Variants in IL1RAPL1 observed in about 807,000 individuals in gnomAD.
The protein encoded by IL1RAPL1 is interleukin-1 receptor accessory protein-like 1.
IL1RAPL1 carries 3 observed loss-of-function variants against 48.4 expected under a neutral mutation model. That is an observed-to-expected ratio of 0.06 (90% CI 0.03 to 0.16). The LOEUF is 0.16. IL1RAPL1 is among the 10% of genes least tolerant of loss of function. The pLI is 1.00. For synonymous variants in IL1RAPL1, 185 were observed against 187.7 expected, an observed-to-expected ratio of 0.99 and a Z score of 0.12; for missense variants, 349 against 530.6, an observed-to-expected ratio of 0.66 and a Z score of 3.36.
chrX:29,240,964 T>A (rs1250655189), intron 2 of IL1RAPL1, among the ~76,000 whole-genome samples: 2 of 112,672 alleles, frequency 1.8e-5, no homozygotes, highest in Non-Finnish European at 3.7e-5. Flanking sequence ...AATTATTTTT[T>A]AAATATTCTG....
chrX:29,306,221 C>T (rs1443381913), intron 3 of IL1RAPL1, among the ~76,000 whole-genome samples: 1 of 112,234 alleles, frequency 8.9e-6, no homozygotes, highest in Non-Finnish European at 1.9e-5. Context: ...TTTTATTCCT[C>T]TCTGCTTAGA....
chrX:29,240,386 C>G (rs972383602), intron 2 of IL1RAPL1, among the ~76,000 whole-genome samples: 9 of 105,521 alleles, frequency 8.5e-5, no homozygotes, highest in Non-Finnish European at 3.9e-5. Flanking sequence ...AGGCGCACGC[C>G]ACCTCACCCG....
intron 2 of IL1RAPL1, among the ~76,000 whole-genome samples, chrX:29,254,726 A>G (rs1167588806): frequency 9.0e-6 from 1 of 111,475 alleles, no homozygotes; most frequent in Non-Finnish European, 1.9e-5. Flanking sequence ...TATAAAATTG[A>G]TGTTGGCAGC....
chrX:29,053,147 T>C (rs1413434108), intron 2 of IL1RAPL1, among the ~76,000 whole-genome samples: 1 of 111,297 alleles, frequency 9.0e-6, no homozygotes, highest in African/African-American at 3.3e-5. Context: ...TCTGTTCCTC[T>C]GTTAGTTTGC....
intron 2 of IL1RAPL1, among the ~76,000 whole-genome samples, chrX:29,197,707 A>AT (rs201963010): frequency 0.12 from 10,874 of 93,756 alleles, 1,926 homozygotes; most frequent in African/African-American, 0.42. Context: ...TTCAGTGAGA[A>AT]TTTTTTTTTT....
chrX:29,476,912 C>T (rs1009227715), intron 5 of IL1RAPL1, among the ~76,000 whole-genome samples: 18 of 56,722 alleles, frequency 3.2e-4, no homozygotes, highest in Admixed American at 7.6e-4. Context: ...CTCGCTCTGT[C>T]GCCCAGGCCG....
At chrX:29,611,220 T>G (rs1290928237) in intron 5 of IL1RAPL1, among the ~76,000 whole-genome samples, 1 of 111,024 alleles carries the variant, frequency 9.0e-6, no homozygotes, top group Non-Finnish European at 1.9e-5. Context: ...TTAGGTCCAA[T>G]AAGAAACATT....
chrX:29,379,324 A>G (rs1011390494), intron 3 of IL1RAPL1, among the ~76,000 whole-genome samples: 13 of 112,210 alleles, frequency 1.2e-4, no homozygotes, highest in African/African-American at 3.2e-4. Context: ...TGCGAAGTAG[A>G]CATACCCTAG....
intron 2 of IL1RAPL1, among the ~76,000 whole-genome samples, chrX:28,953,948 TA>T (rs1267919993): frequency 9.0e-6 from 1 of 111,416 alleles, no homozygotes; most frequent in Admixed American, 9.6e-5. Context: ...CATGAATCAT[TA>T]AGGAGAGGTT....
intron 2 of IL1RAPL1, among the ~76,000 whole-genome samples, chrX:29,276,964 C>T (rs986410534): frequency 1.8e-5 from 2 of 111,998 alleles, no homozygotes; most frequent in Admixed American, 1.9e-4. Flanking sequence ...CAGAGTACAC[C>T]ACACTTCAGT....
chrX:28,768,778 T>TATATACAC (rs768805531), intron 1 of IL1RAPL1, among the ~76,000 whole-genome samples: 1 of 76,428 alleles, frequency 1.3e-5, no homozygotes, highest in African/African-American at 4.7e-5. Context: ...TATATATATA[T>TATATACAC]ACACACACTA....
At chrX:29,452,868 T>C (rs1006151109) in intron 5 of IL1RAPL1, among the ~76,000 whole-genome samples, 3 of 109,047 alleles carry the variant, frequency 2.8e-5, no homozygotes, top group African/African-American at 6.7e-5. Flanking sequence ...GGTCTGGGAA[T>C]TCATCCTTGT....
At chrX:29,028,832 G>A (rs930944234) in intron 2 of IL1RAPL1, among the ~76,000 whole-genome samples, 1 of 111,297 alleles carries the variant, frequency 9.0e-6, no homozygotes, top group African/African-American at 3.3e-5. Flanking sequence ...AGAGGTGCAA[G>A]ATCTCATCTG....
intron 2 of IL1RAPL1, among the ~76,000 whole-genome samples, chrX:29,114,508 T>C (rs1466080425): frequency 2.7e-5 from 3 of 112,455 alleles, no homozygotes; most frequent in African/African-American, 9.7e-5. Flanking sequence ...TAATTTAAAA[T>C]TTTGTCTCTT....
chrX:29,894,146 A>G (rs1296540433), intron 6 of IL1RAPL1, among the ~76,000 whole-genome samples: 3 of 112,489 alleles, frequency 2.7e-5, no homozygotes, highest in African/African-American at 9.7e-5. Flanking sequence ...ACTTCGCAGT[A>G]AGGGCATTTT....
At chrX:29,567,768 G>T (rs1206915333) in intron 5 of IL1RAPL1, among the ~76,000 whole-genome samples, 1 of 111,221 alleles carries the variant, frequency 9.0e-6, no homozygotes, top group African/African-American at 3.3e-5. Context: ...AGAAGAGCTA[G>T]ATTTTTAGAT....
chrX:29,334,105 G>A (rs1932935473), intron 3 of IL1RAPL1, among the ~76,000 whole-genome samples: 2 of 84,981 alleles, frequency 2.4e-5, no homozygotes, highest in African/African-American at 4.9e-5. Context: ...GGACGGGGCG[G>A]CTGGCCGGGC....
chrX:28,779,657 TATA>T lies in IL1RAPL1; in HGVS notation c.-24-9662_-24-9660del, dbSNP rs1369868755. Among the ~76,000 whole-genome samples, 3 of 87,438 alleles carry T rather than the reference TATA, an allele frequency of 3.4e-5. No individual in the cohort carries two copies. In the East Asian group the frequency reaches 1.0e-3, roughly 30 times the overall value. The allele number at this position is 87,438 out of a possible 115,157, so 75.9% of individuals were successfully genotyped here. On this transcript the variant is annotated intron_variant, in intron 1 of 10. Transcript: ENST00000378993. ...GTGTATATATATATATATATATATA[TATA>T]TATATATATATATATATAGAATGTG... is the stretch of plus-strand genomic sequence containing the variant.
At chrX:29,702,210 C>T (rs1403381724) in intron 6 of IL1RAPL1, among the ~76,000 whole-genome samples, 7 of 106,834 alleles carry the variant, frequency 6.6e-5, no homozygotes, top group Admixed American at 1.0e-4. Flanking sequence ...GCCGAGATTG[C>T]GCCACTGCAC....
Sources: allele counts gnomAD v4.1 joint callset (sites outside exome capture counted in the v4.1 genomes callset), GRCh38; gene constraint gnomAD v4.1.1; transcripts MANE v1.5; gene names NCBI Gene and HGNC (gene_info 2026-07-23, HGNC 2026-07-21).